The following HSCB variants were observed in gnomAD, a reference collection of about 807,000 sequenced individuals.
HSCB encodes the protein iron-sulfur cluster co-chaperone protein HscB.
A neutral mutation model predicts 31.3 loss-of-function variants in HSCB; 23 were observed. The ratio of observed to expected loss-of-function variants is 0.74; its 90% CI spans 0.53 to 1.04. The LOEUF (loss-of-function observed/expected upper bound fraction) is 1.04, where lower values mean the gene tolerates loss of function less well. HSCB is among the 50% of genes least tolerant of loss of function. HSCB has a pLI of 0.00. For synonymous variants in HSCB, 110 were observed against 104.5 expected (o/e 1.05, Z -0.32); for missense variants, 297 against 288.1 (o/e 1.03, Z -0.22).
At chr22:28,747,275 A>G (rs929078763) in intron 4 of HSCB, among the ~76,000 whole-genome samples, 1 of 152,112 alleles carries the variant, frequency 6.6e-6, no homozygotes, top group Non-Finnish European at 1.5e-5. Context: ...ACATCTACGA[A>G]TACTTTCACA....
chr22:28,750,463 C>G (rs2068181844), intron 4 of HSCB, among the ~76,000 whole-genome samples: 1 of 152,040 alleles, frequency 6.6e-6, no homozygotes. Context: ...GTCTGTTGTT[C>G]TTTTGTGGAC....
intron 1 of HSCB, chr22:28,742,582 G>C (rs867763570): frequency 1.9e-6 from 1 of 539,532 alleles, no homozygotes; most frequent in Non-Finnish European, 3.1e-6. Context: ...GCTGAAGTTA[G>C]AGGAAATAGG....
At chr22:28,756,232 A>T (rs1434560218) in intron 5 of HSCB, among the ~76,000 whole-genome samples, 2 of 149,814 alleles carry the variant, frequency 1.3e-5, no homozygotes, top group Admixed American at 1.3e-4. Context: ...TGGGCAACAG[A>T]GTGAGGCTCC....
At chr22:28,742,483 A>G in intron 1 of HSCB, 152 bp downstream of exon 1, 1 of 1,332,342 alleles carries the variant, frequency 7.5e-7, no homozygotes, top group Non-Finnish European at 1.0e-6. Flanking sequence ...AAGTGTCTTG[A>G]TTTCTCAGGA....
At chr22:28,750,116 G>T (rs2030109701) in intron 4 of HSCB, among the ~76,000 whole-genome samples, 1 of 151,762 alleles carries the variant, frequency 6.6e-6, no homozygotes, top group Non-Finnish European at 1.5e-5. Flanking sequence ...GGGCATGGTG[G>T]CACACACCTA....
At chr22:28,748,606 A>G (rs1315202356) in intron 4 of HSCB, among the ~76,000 whole-genome samples, 2 of 151,366 alleles carry the variant, frequency 1.3e-5, no homozygotes, top group Non-Finnish European at 1.5e-5. Context: ...TCCGCCTCCC[A>G]GGTTCCAGCT....
chr22:28,748,133 C>T (rs576166314), intron 4 of HSCB, among the ~76,000 whole-genome samples: 5 of 152,224 alleles, frequency 3.3e-5, no homozygotes, highest in South Asian at 2.1e-4. Flanking sequence ...TGCAGTGAGC[C>T]GAGATTGTGC....
intron 2 of HSCB, 89 bp from the exon 3 acceptor site, chr22:28,744,526 C>A: frequency 1.1e-6 from 1 of 916,354 alleles, no homozygotes; most frequent in Non-Finnish European, 1.8e-6. Context: ...CACACTCCAG[C>A]CTGGATGACT....
intron 5 of HSCB, among the ~76,000 whole-genome samples, chr22:28,755,937 T>C (rs960017908): frequency 6.6e-6 from 1 of 152,060 alleles, no homozygotes; most frequent in African/African-American, 2.4e-5. Context: ...GGGGGCAAAA[T>C]CATCCCCAGT....
At chr22:28,749,234 T>C (rs1353157783) in intron 4 of HSCB, among the ~76,000 whole-genome samples, 3 of 151,966 alleles carry the variant, frequency 2.0e-5, no homozygotes, top group South Asian at 2.1e-4. Flanking sequence ...CCTCTGCTTC[T>C]CTCTGTTTTG....
chr22:28,756,886 G>A (rs375638392), intron 5 of HSCB, among the ~76,000 whole-genome samples, 192 bp from the exon 6 acceptor site: 8 of 152,042 alleles, frequency 5.3e-5, no homozygotes, highest in East Asian at 3.9e-4. Flanking sequence ...CACAACTCTC[G>A]CCCCATTTGG....
chr22:28,747,364 C>G (rs1234608803), intron 4 of HSCB, among the ~76,000 whole-genome samples: 4 of 152,128 alleles, frequency 2.6e-5, no homozygotes, highest in African/African-American at 4.8e-5. Flanking sequence ...CGCAGTGTTG[C>G]AATCACAGCT....
rs769192675 is a variant in HSCB, at chr22:28,746,001, T to C, written c.561T>C (p.Ile187=). Residue 187 remains isoleucine (I), a synonymous_variant, in exon 4 of 6, where the codon ATT becomes ATC. Transcript: ENST00000216027. ...CTGCCATGAAAGAGATTGAATCCATTGTCAAAGGTGAAAGATAAAATAGCA... is the reference window on the plus strand; with the variant it reads ...CTGCCATGAAAGAGATTGAATCCATCGTCAAAGGTGAAAGATAAAATAGCA... ...SEAAMKEIES[I]VKAKQKEFTD... The C allele has an allele frequency of 2.7e-5, 44 of 1,609,578 alleles. No homozygotes were observed. In the African/African-American group the frequency reaches 5.2e-4, roughly 19 times the overall value.
In HSCB at chr22:28,742,305, T is replaced by C. The variant is rs17885497; in HGVS notation, c.210T>C (p.Thr70=). The C allele has an allele frequency of 3.1e-4, 508 of 1,613,990 alleles. 1 individual carries two copies. In the African/African-American group the frequency reaches 5.7e-3, roughly 18 times the overall value. Residue 70 remains threonine, a synonymous_variant, in exon 1 of 6, where the codon ACT becomes ACC. Transcript: ENST00000216027. ...GAGCGCTGCAGGCACCTGACCCCAC[T>C]CGAGACTACTTCAGCCTTATGGACT... is the stretch of plus-strand genomic sequence containing the variant. ...QCRALQAPDP[T]RDYFSLMDCN... is the part of the protein sequence containing the mutation.
At chr22:28,751,723 G>A (rs1446144548) in intron 5 of HSCB, among the ~76,000 whole-genome samples, 1 of 150,124 alleles carries the variant, frequency 6.7e-6, no homozygotes, top group Non-Finnish European at 1.5e-5. Context: ...GCCAGCCTGA[G>A]TGACAGAGCG....
intron 4 of HSCB, among the ~76,000 whole-genome samples, chr22:28,750,969 T>TA (rs1555939922): frequency 6.9e-6 from 1 of 144,458 alleles, no homozygotes; most frequent in Non-Finnish European, 1.5e-5. Flanking sequence ...TTTTTTTTTT[T>TA]ACTGATTCTA....
intron 4 of HSCB, 74 bp from the exon 5 acceptor site, chr22:28,751,167 C>CA: frequency 1.1e-6 from 1 of 902,120 alleles, no homozygotes; most frequent in Non-Finnish European, 1.8e-6. Flanking sequence ...AGCATGATTA[C>CA]AAAGTTTAAG....
At chr22:28,752,855 C>T (rs898538829) in intron 5 of HSCB, among the ~76,000 whole-genome samples, 4 of 151,852 alleles carry the variant, frequency 2.6e-5, no homozygotes, top group African/African-American at 7.3e-5. Flanking sequence ...CCAAGGTGGG[C>T]GGATCACAAG....
chr22:28,755,349 G>T (rs1265026855), intron 5 of HSCB, among the ~76,000 whole-genome samples: 1 of 151,862 alleles, frequency 6.6e-6, no homozygotes, highest in Non-Finnish European at 1.5e-5. Flanking sequence ...GGCAGAGTTT[G>T]CAGTGAGCCA....
Sources: gnomAD v4.1 joint callset for allele counts (sites outside exome capture counted in the v4.1 genomes callset) on GRCh38, gnomAD v4.1.1 for gene constraint, MANE v1.5 for transcripts, NCBI Gene and HGNC (gene_info 2026-07-23, HGNC 2026-07-21) for gene names.